Variants in HCRTR2 observed in about 807,000 individuals in gnomAD.
The protein encoded by HCRTR2 is hypocretin receptor 2.
Under a neutral mutation model 49.0 loss-of-function variants are expected in HCRTR2, and 22 were observed. The observed-to-expected ratio is 0.45, with a 90% CI of 0.32 to 0.64. The LOEUF is 0.64. HCRTR2 is among the 30% of genes least tolerant of loss of function. HCRTR2 has a pLI of 0.04. For missense variants in HCRTR2, 491 were observed against 559.4 expected, an observed-to-expected ratio of 0.88 and a Z score of 1.23; for synonymous variants, 236 against 205.3, an observed-to-expected ratio of 1.15 and a Z score of -1.28.
rs548422655 is a variant in HCRTR2 at position 55,269,539 on chromosome 6, T to C, written c.762+5717T>C. Among the ~76,000 whole-genome samples the C allele has an allele frequency of 5.3e-5, 8 of 152,194 alleles. No homozygotes were observed. In the South Asian group the frequency reaches 1.7e-3, roughly 31 times the overall value. On this transcript the variant is annotated intron_variant, in intron 4 of 6. Transcript: ENST00000370862. Reference sequence around the variant, plus strand: ...TTTCAGGATGAAAGATTAATATATATACAAAAATCAATTTCATTTTTATAC... The same window carrying C: ...TTTCAGGATGAAAGATTAATATATACACAAAAATCAATTTCATTTTTATAC...
intron 1 of HCRTR2, among the ~76,000 whole-genome samples, chr6:55,160,765 A>C (rs953126183): frequency 6.6e-6 from 1 of 152,364 alleles, no homozygotes. Flanking sequence ...TAAAGGGATC[A>C]ATGCAACAAG....
rs1766430273 is a variant in HCRTR2 at position 55,245,703 on chromosome 6, C to T, written c.224-2936C>T. The stretch of plus-strand genomic sequence containing the variant: ...TGAAGTGTGTTCAGAATAAAATAAC[C>T]AGGGTGATGGGGAATGAAAAGCCCA... On this transcript the variant is annotated intron_variant, in intron 1 of 6. Transcript: ENST00000370862. Among the ~76,000 whole-genome samples, 3 of 151,192 alleles carry T rather than the reference C, an allele frequency of 2.0e-5. No individual in the cohort carries two copies. The South Asian group carries it at 6.3e-4, about 32-fold the overall frequency.
chr6:55,244,830 T>C (rs1766400357), intron 1 of HCRTR2, among the ~76,000 whole-genome samples: 1 of 152,104 alleles, frequency 6.6e-6, no homozygotes, highest in South Asian at 2.1e-4. Flanking sequence ...CTTCAGTTGC[T>C]ATTTGTATAT....
chr6:55,168,248 T>C (rs1764904240), intron 1 of HCRTR2, among the ~76,000 whole-genome samples: 3 of 152,098 alleles, frequency 2.0e-5, no homozygotes, highest in Admixed American at 2.0e-4. Flanking sequence ...TCCTGAAGAG[T>C]ATAACAAGTT....
At chr6:55,127,305 G>T (rs575054353) in intron 1 of HCRTR2, among the ~76,000 whole-genome samples, 1 of 151,954 alleles carries the variant, frequency 6.6e-6, no homozygotes, top group Non-Finnish European at 1.5e-5. Context: ...AGTTCCTCAC[G>T]GCTCCCTCAG....
At chr6:55,206,926 C>T (rs1765612319) in intron 1 of HCRTR2, among the ~76,000 whole-genome samples, 1 of 152,010 alleles carries the variant, frequency 6.6e-6, no homozygotes. Context: ...AAAAAATACA[C>T]TTGTCTAGAA....
chr6:55,263,519 T>C (rs994133320), intron 3 of HCRTR2, among the ~76,000 whole-genome samples, 188 bp from the exon 4 acceptor site: 1 of 152,140 alleles, frequency 6.6e-6, no homozygotes, highest in Non-Finnish European at 1.5e-5. Context: ...TTGGCATGTG[T>C]ATACCCATAT....
At chr6:55,130,133 C>T (rs1393955275) in intron 1 of HCRTR2, among the ~76,000 whole-genome samples, 3 of 151,940 alleles carry the variant, frequency 2.0e-5, no homozygotes, top group African/African-American at 7.2e-5. Context: ...ATTTCAGAGG[C>T]ATTGATCTAT....
chr6:55,248,780 T>TGCAAAG lies in HCRTR2; in HGVS notation c.365_366insGCAAAG (p.Phe122delinsLeuGlnSer). On this transcript the variant is annotated protein_altering_variant, in exon 2 of 7. Transcript: ENST00000370862. ...GTGGATATCACTGAGACCTGGTTTT[T>TGCAAAG]TGGACAGTCCCTTTGCAAAGTGATT... 1 of 1,613,498 alleles carries TGCAAAG rather than the reference T, an allele frequency of 6.2e-7. No individual in the cohort carries two copies. Among genetic ancestry groups the TGCAAAG allele is most frequent in the Non-Finnish European group, 8.5e-7 (1 of 1,179,516 alleles).
intron 1 of HCRTR2, among the ~76,000 whole-genome samples, chr6:55,150,463 T>C (rs993626951): frequency 2.6e-5 from 4 of 151,964 alleles, no homozygotes; most frequent in African/African-American, 9.7e-5. Flanking sequence ...CTTCTATAAC[T>C]GAGACTTTCT....
chr6:55,241,861 A>AT (rs917427627), intron 1 of HCRTR2, among the ~76,000 whole-genome samples: 7,062 of 92,564 alleles, frequency 0.076, 681 homozygotes, highest in African/African-American at 0.12. Context: ...ATGGCAACTA[A>AT]TTTTTTTTTT....
chr6:55,120,158 G>C (rs543534832), intron 1 of HCRTR2, among the ~76,000 whole-genome samples: 6 of 152,214 alleles, frequency 3.9e-5, no homozygotes, highest in African/African-American at 1.4e-4. Flanking sequence ...GTACCATGCT[G>C]TTTTTGTTAC....
chr6:55,278,316 G>T (rs925952002), intron 5 of HCRTR2, among the ~76,000 whole-genome samples: 11 of 152,156 alleles, frequency 7.2e-5, no homozygotes, highest in Admixed American at 6.5e-4. Context: ...GGGAATTATC[G>T]AAACTGTTCC....
chr6:55,277,370 C>G lies in HCRTR2; in HGVS notation c.763-10C>G, dbSNP rs771904438. ...AAATTGCAATAAGGGTCTGTCTCTT[C>G]TCCTTTCAGATCCCTGGAACATCAT... On this transcript the variant is annotated splice_polypyrimidine_tract_variant and intron_variant, in intron 4 of 6. Coordinates refer to ENST00000370862, the MANE Select transcript of HCRTR2 (RefSeq NM_001384272.1). The G allele has an allele frequency of 5.0e-6, 8 of 1,606,702 alleles. No homozygotes were observed. In the South Asian group the frequency reaches 7.7e-5, roughly 15 times the overall value.
intron 2 of HCRTR2, among the ~76,000 whole-genome samples, chr6:55,249,658 T>C (rs1766510770): frequency 6.6e-6 from 1 of 152,142 alleles, no homozygotes; most frequent in South Asian, 2.1e-4. Flanking sequence ...TGAAAACAGC[T>C]TCTTTTTCTA....
chr6:55,233,769 CTT>C (rs1766161679), intron 1 of HCRTR2, among the ~76,000 whole-genome samples: 1 of 152,012 alleles, frequency 6.6e-6, no homozygotes, highest in East Asian at 1.9e-4. Flanking sequence ...TGCAAATAGT[CTT>C]TGCTTTATTT....
intron 1 of HCRTR2, among the ~76,000 whole-genome samples, chr6:55,132,952 A>G (rs571916414): frequency 1.3e-5 from 2 of 151,942 alleles, no homozygotes; most frequent in African/African-American, 4.8e-5. Flanking sequence ...TTTCAAAACC[A>G]ATAGAGGATA....
intron 1 of HCRTR2, among the ~76,000 whole-genome samples, chr6:55,129,117 T>C (rs541460893): frequency 2.6e-5 from 4 of 152,276 alleles, no homozygotes; most frequent in Admixed American, 1.3e-4. Flanking sequence ...TTTGACATGA[T>C]GCTTTGTTTA....
At chr6:55,114,240 A>G (rs1314914186) in intron 1 of HCRTR2, among the ~76,000 whole-genome samples, 1 of 151,788 alleles carries the variant, frequency 6.6e-6, no homozygotes, top group African/African-American at 2.4e-5. Flanking sequence ...TCATGTAACC[A>G]AACACCACCT....
Sources: allele counts gnomAD v4.1 joint callset (sites outside exome capture counted in the v4.1 genomes callset), GRCh38; gene constraint gnomAD v4.1.1; transcripts MANE v1.5; gene names NCBI Gene and HGNC (gene_info 2026-07-23, HGNC 2026-07-21).